DNAAF1: variants seen among roughly 807,000 people sequenced by gnomAD.
DNAAF1 encodes dynein axonemal assembly factor 1, also known as dynein assembly factor 1, axonemal.
Under a neutral mutation model 71.1 loss-of-function variants are expected in DNAAF1, and 65 were observed. That is an observed-to-expected ratio of 0.91 (90% CI 0.75 to 1.12). The LOEUF is 1.12. Among genes scored for constraint, DNAAF1 ranks in the 50% most tolerant of loss-of-function variants. The pLI, the probability that DNAAF1 is intolerant of heterozygous loss-of-function variation, is 0.00. For missense variants in DNAAF1, 1,178 were observed against 899.8 expected (o/e 1.31, Z -3.96); for synonymous variants, 414 against 354.6 (o/e 1.17, Z -1.88).
chr16:84,176,063 C>G lies in DNAAF1; in HGVS notation c.1829C>G (p.Ser610Cys). Residue 610 changes from serine to cysteine, a missense_variant, in exon 11 of 12, where the codon TCT becomes TGT. Coordinates refer to ENST00000378553, the MANE Select transcript of DNAAF1 (RefSeq NM_178452.6). ...ACTCTGTCAAATATATTTGCAGTCT[C>G]TAAAGACACCTCAAAGGCGGCTCGG... The part of the protein sequence containing the change: ...TDTLSNIFAV[S>C]KDTSKAARVP... 6.2e-7 allele frequency: 1 copy of G among 1,614,166 alleles called. No homozygotes were observed.
At chr16:84,147,004 C>T (rs1021841679) in intron 1 of DNAAF1, among the ~76,000 whole-genome samples, 2 of 152,138 alleles carry the variant, frequency 1.3e-5, no homozygotes, top group African/African-American at 4.8e-5. Flanking sequence ...GGTCTTGGAG[C>T]CATTGACACT....
At chr16:84,148,596 C>CTCTCTCTTTTTTTTTTTTTTTTTTTT in intron 1 of DNAAF1, among the ~76,000 whole-genome samples, 11 of 43,574 alleles carry the variant, frequency 2.5e-4, no homozygotes, top group African/African-American at 3.7e-4. Context: ...CTCTCTCTCT[C>CTCTCTCTTTTTTTTTTTTTTTTTTTT]TTTTTTTTTT....
chr16:84,173,581 C>G, intron 9 of DNAAF1: 1 of 978,252 alleles, frequency 1.0e-6, no homozygotes, highest in Non-Finnish European at 1.2e-6. Flanking sequence ...CACCTGTAAT[C>G]CCAGCACTTT....
At chr16:84,157,746 C>G (rs1250806108) in intron 5 of DNAAF1, among the ~76,000 whole-genome samples, 1 of 152,118 alleles carries the variant, frequency 6.6e-6, no homozygotes, top group Non-Finnish European at 1.5e-5. Context: ...CAACTGAAAG[C>G]AAATCATAGT....
intron 1 of DNAAF1, among the ~76,000 whole-genome samples, chr16:84,147,702 A>G (rs1209684335): frequency 6.6e-6 from 1 of 152,102 alleles, no homozygotes; most frequent in Non-Finnish European, 1.5e-5. Flanking sequence ...ATTGAAAATG[A>G]GTAACATTTT....
rs1482059674 is a variant in DNAAF1, at chr16:84,170,242, AC to A, written c.1417del (p.Leu473CysfsTer7). Reference protein sequence around the residue: ...QEPEGTLPAETLLLSPPVKVK... With the variant: ...QEPEGTLPAEXLLLSPPVKVK... ...GCCAGAGGGGACCCTCCCAGCTGAG[AC>A]CCTGCTACTGTCACCGCCTGTGAAG... On this transcript the variant is annotated frameshift_variant, in exon 8 of 12. Coordinates refer to ENST00000378553, the MANE Select transcript of DNAAF1 (RefSeq NM_178452.6). LOFTEE classifies it high-confidence loss of function. 2 of 1,607,324 alleles carry A rather than the reference AC, an allele frequency of 1.2e-6. No homozygotes were observed. The highest frequency in any genetic ancestry group is 1.7e-6 in the Non-Finnish European group (2 of 1,177,592).
At chr16:84,148,866 A>T (rs1336599196) in intron 1 of DNAAF1, 141 bp from the exon 2 acceptor site, 1 of 947,064 alleles carries the variant, frequency 1.1e-6, no homozygotes, top group Non-Finnish European at 1.6e-6. Flanking sequence ...CTGGGATTAC[A>T]GGCCTGAGCC....
At chr16:84,160,660 C>T (rs181101997) in intron 6 of DNAAF1, among the ~76,000 whole-genome samples, 137 of 152,210 alleles carry the variant, frequency 9.0e-4, no homozygotes, top group Middle Eastern at 6.8e-3. Flanking sequence ...CAGGGCCGGG[C>T]GTGGTGGCTC....
intron 5 of DNAAF1, among the ~76,000 whole-genome samples, chr16:84,157,039 G>T (rs1395018278): frequency 1.7e-4 from 26 of 151,388 alleles, no homozygotes; most frequent in South Asian, 4.2e-4. Flanking sequence ...TTTTTGTAGA[G>T]ATGGGTTTTG....
chr16:84,170,349 C>T lies in DNAAF1; in HGVS notation c.1521C>T (p.Ala507=). The T allele has an allele frequency of 1.2e-6, 2 of 1,613,808 alleles. No individual in the cohort carries two copies. Among genetic ancestry groups the T allele is most frequent in the South Asian group, 2.2e-5 (2 of 91,074 alleles). The change falls in exon 8 of 12, where the codon GCC becomes GCT. Residue 507 remains alanine, a synonymous_variant. Coordinates refer to ENST00000378553, the MANE Select transcript of DNAAF1 (RefSeq NM_178452.6). ...EAPPPPPLGA[A]REEPTPQAVA... is the part of the protein sequence containing the mutation. ...CACCACCACCGCCCCTGGGAGCTGC[C>T]AGGGAAGGTAATGTGAGCGGAGAAA...
At chr16:84,148,401 G>A (rs975811437) in intron 1 of DNAAF1, among the ~76,000 whole-genome samples, 2 of 151,808 alleles carry the variant, frequency 1.3e-5, no homozygotes, top group Non-Finnish European at 2.9e-5. Flanking sequence ...AGCCCCTATG[G>A]ATGGACATTT....
At position 84,172,281 on chromosome 16, in the gene DNAAF1, C is replaced by A. The variant is rs754836834; in HGVS notation, c.1550C>A (p.Ala517Asp). The change falls in exon 9 of 12, where the codon GCC (alanine) becomes GAC (aspartate). Residue 517 changes from alanine to aspartate, a missense_variant. Coordinates refer to ENST00000378553, the MANE Select transcript of DNAAF1 (RefSeq NM_178452.6). ...TTAGAACCGACTCCCCAGGCTGTGG[C>A]CACTGAGGGTGTATTCGTTACAGAA... ...AREEPTPQAV[A>D]TEGVFVTELD... 1 of 1,614,124 alleles carries A rather than the reference C, an allele frequency of 6.2e-7. No individual in the cohort carries two copies. The highest frequency in any genetic ancestry group is 8.5e-7 in the Non-Finnish European group (1 of 1,180,018).
rs1394991851 is a variant in DNAAF1 at position 84,170,245 on chromosome 16, C to A, written c.1417C>A (p.Leu473Met). The change falls in exon 8 of 12, where the codon CTG (leucine) becomes ATG (methionine). Residue 473 changes from leucine to methionine, a missense_variant. Coordinates refer to ENST00000378553, the MANE Select transcript of DNAAF1 (RefSeq NM_178452.6). ...EPEGTLPAET[L>M]LLSPPVKVKG... ...AGAGGGGACCCTCCCAGCTGAGACC[C>A]TGCTACTGTCACCGCCTGTGAAGGT... The A allele has an allele frequency of 6.2e-7, 1 of 1,609,400 alleles. No homozygotes were observed. The highest frequency in any genetic ancestry group is 8.5e-7 in the Non-Finnish European group (1 of 1,177,974).
rs763840893 is a variant in DNAAF1, at chr16:84,150,312, T to C, written c.322T>C (p.Leu108=). Residue 108 remains leucine (L), a synonymous_variant, in exon 3 of 12, where the codon TTG becomes CTG. Transcript: ENST00000378553. ...GCACAAGCTTTATATTACCCCAGCA[T>C]TGAATGATACGCTGTATTTACACTT... The part of the protein sequence containing the change: ...KQHKLYITPA[L]NDTLYLHFKG... 8.1e-6 allele frequency: 13 copies of C among 1,613,768 alleles called. No individual in the cohort carries two copies. The highest frequency in any genetic ancestry group is 1.3e-5 in the African/African-American group (1 of 75,034).
intron 4 of DNAAF1, 127 bp downstream of exon 4, chr16:84,154,925 T>C: frequency 1.1e-6 from 1 of 875,102 alleles, no homozygotes; most frequent in Non-Finnish European, 1.8e-6. Context: ...TTGTTTTTTT[T>C]TGAGACAGAG....
intron 6 of DNAAF1, among the ~76,000 whole-genome samples, chr16:84,163,876 G>A (rs1243397431): frequency 2.1e-5 from 3 of 144,934 alleles, no homozygotes; most frequent in African/African-American, 5.2e-5. Flanking sequence ...TTTTTTTTGT[G>A]GGGGACAGCG....
At chr16:84,175,665 T>C (rs2088613598) in intron 10 of DNAAF1, 2 of 494,694 alleles carry the variant, frequency 4.0e-6, no homozygotes, top group East Asian at 7.7e-5. Context: ...GGCTCAGGGG[T>C]GCGCCCTCTC....
chr16:84,171,278 C>T (rs1297711763), intron 8 of DNAAF1, among the ~76,000 whole-genome samples: 1 of 152,034 alleles, frequency 6.6e-6, no homozygotes, highest in Non-Finnish European at 1.5e-5. Flanking sequence ...TTCCCCGCAA[C>T]CCCCAAGCCT....
At chr16:84,165,339 C>A (rs145664554) in intron 6 of DNAAF1, among the ~76,000 whole-genome samples, 129 of 152,086 alleles carry the variant, frequency 8.5e-4, no homozygotes, top group African/African-American at 2.9e-3. Context: ...TTCTCACATT[C>A]TTTGAGTTGT....
Sources: allele counts gnomAD v4.1 joint callset (sites outside exome capture counted in the v4.1 genomes callset), GRCh38; gene constraint gnomAD v4.1.1; transcripts MANE v1.5; gene names NCBI Gene and HGNC (gene_info 2026-07-23, HGNC 2026-07-21).